Variants in COL4A5 observed in about 807,000 individuals in gnomAD.
The protein encoded by COL4A5 is collagen type IV alpha 5 chain, also known as collagen alpha-5(IV) chain.
A neutral mutation model predicts 130.2 loss-of-function variants in COL4A5; 26 were observed. The observed-to-expected ratio is 0.20, with a 90% confidence interval of 0.15 to 0.28. The LOEUF (loss-of-function observed/expected upper bound fraction) is 0.28, where lower values mean the gene tolerates loss of function less well. COL4A5 is among the 10% of genes least tolerant of loss of function. The pLI is 1.00. For synonymous variants in COL4A5, 496 were observed against 439.6 expected, an observed-to-expected ratio of 1.13 and a Z score of -1.60; for missense variants, 1,131 against 1,344.3, an observed-to-expected ratio of 0.84 and a Z score of 2.48.
chrX:108,467,677 A>C (rs2064720295), intron 1 of COL4A5, among the ~76,000 whole-genome samples: 1 of 110,977 alleles, frequency 9.0e-6, no homozygotes, highest in Non-Finnish European at 1.9e-5. Context: ...TTCTTTCCTC[A>C]TTGTTTTCTA....
chrX:108,548,908 A>G (rs28821811), intron 2 of COL4A5, among the ~76,000 whole-genome samples: 11,561 of 111,347 alleles, frequency 0.1, 1,301 homozygotes, highest in African/African-American at 0.34. Context: ...AGGCAGATTT[A>G]AGACATTTTC....
chrX:108,633,417 AT>A (rs967195037), intron 36 of COL4A5, among the ~76,000 whole-genome samples: 4 of 110,137 alleles, frequency 3.6e-5, no homozygotes, highest in East Asian at 2.8e-4. Context: ...AACTAACTTT[AT>A]TTTTTTTCCC....
At chrX:108,580,494 A>G (rs751237026) in intron 13 of COL4A5, 39 bp from the exon 14 acceptor site, 1 of 1,100,323 alleles carries the variant, frequency 9.1e-7, no homozygotes, top group Non-Finnish European at 1.3e-6. Flanking sequence ...TGCATGTTCC[A>G]GTATTAACAT....
chrX:108,533,104 C>G (rs757554606), intron 1 of COL4A5, among the ~76,000 whole-genome samples: 3 of 111,597 alleles, frequency 2.7e-5, no homozygotes, highest in Non-Finnish European at 5.7e-5. Flanking sequence ...AAAAACAAAG[C>G]TGGAGGCATC....
chrX:108,618,969 T>A, intron 30 of COL4A5, among the ~76,000 whole-genome samples: 1 of 111,481 alleles, frequency 9.0e-6, no homozygotes, highest in African/African-American at 3.3e-5. Flanking sequence ...ATAAATTATT[T>A]ATATTGAAAA....
At chrX:108,680,481 G>A (rs1348286996) in intron 44 of COL4A5, among the ~76,000 whole-genome samples, 198 bp from the exon 45 acceptor site, 3 of 111,181 alleles carry the variant, frequency 2.7e-5, no homozygotes, top group East Asian at 2.8e-4. Context: ...CAAATTTGAG[G>A]TGAGAAAACT....
chrX:108,586,579 T>A (rs1223426636), intron 18 of COL4A5, 36 bp from the exon 19 acceptor site: 2 of 1,170,775 alleles, frequency 1.7e-6, no homozygotes, highest in Non-Finnish European at 2.3e-6. Context: ...TTTTCTTCTT[T>A]GCATTTCTTT....
At chrX:108,503,208 G>A (rs1032835489) in intron 1 of COL4A5, among the ~76,000 whole-genome samples, 13 of 111,699 alleles carry the variant, frequency 1.2e-4, no homozygotes, top group African/African-American at 3.3e-4. Flanking sequence ...ATGGGTACTC[G>A]TCTTTCTTTT....
At chrX:108,563,755 G>A in intron 3 of COL4A5, 127 bp from the exon 4 acceptor site, 1 of 536,042 alleles carries the variant, frequency 1.9e-6, no homozygotes, top group Non-Finnish European at 3.2e-6. Flanking sequence ...TCTTCCTTGG[G>A]TGTATAAGTT....
chrX:108,617,668 T>C (rs1479941399), intron 30 of COL4A5, among the ~76,000 whole-genome samples: 1 of 112,033 alleles, frequency 8.9e-6, no homozygotes, highest in Non-Finnish European at 1.9e-5. Context: ...TTCTTGTTAT[T>C]TTCTTTGGCC....
chrX:108,519,191 G>A (rs753557543), intron 1 of COL4A5, among the ~76,000 whole-genome samples: 13 of 110,880 alleles, frequency 1.2e-4, no homozygotes, highest in Non-Finnish European at 2.5e-4. Flanking sequence ...TTCATCCTTG[G>A]ACTAGTAAAG....
At chrX:108,491,029 A>G (rs1249028180) in intron 1 of COL4A5, among the ~76,000 whole-genome samples, 1 of 111,409 alleles carries the variant, frequency 9.0e-6, no homozygotes, top group African/African-American at 3.3e-5. Context: ...TATGTACCAC[A>G]TTTTCTTTAT....
At chrX:108,454,339 A>G (rs1201112085) in intron 1 of COL4A5, among the ~76,000 whole-genome samples, 2 of 111,353 alleles carry the variant, frequency 1.8e-5, no homozygotes, top group Non-Finnish European at 3.8e-5. Context: ...GTGCAATGGC[A>G]TGATCTCAGC....
intron 1 of COL4A5, among the ~76,000 whole-genome samples, chrX:108,467,232 A>G (rs1245107095): frequency 1.8e-5 from 2 of 111,861 alleles, no homozygotes; most frequent in East Asian, 5.6e-4. Context: ...TTATTCTTTT[A>G]AATGTGGATA....
chrX:108,572,421 C>T (rs1293243762), intron 8 of COL4A5, among the ~76,000 whole-genome samples: 1 of 111,589 alleles, frequency 9.0e-6, no homozygotes, highest in Non-Finnish European at 1.9e-5. Context: ...AAAATAAACC[C>T]GCTCCTCCCT....
rs1182036182 is a variant in COL4A5, at chrX:108,508,557, C to CAAA, written c.82-31167_82-31165dup. Reference sequence around the variant, plus strand: ...AACTAGTTTTAAATTCATGTAGGACCAAAAAAAAAAAAAAAAAAAAAAAAG... The same window carrying CAAA: ...AACTAGTTTTAAATTCATGTAGGACCAAAAAAAAAAAAAAAAAAAAAAAAAAAG... On this transcript the variant is annotated intron_variant, in intron 1 of 52. Transcript: ENST00000328300. 6.5e-3 allele frequency among the ~76,000 whole-genome samples: 246 copies of CAAA among 38,111 alleles called. 2 individuals are homozygous for CAAA. The highest frequency in any genetic ancestry group is 0.023 in the East Asian group (30 of 1,278). The allele number at this position is 38,111 out of a possible 115,157, so 33.1% of individuals were successfully genotyped here.
intron 3 of COL4A5, among the ~76,000 whole-genome samples, chrX:108,560,976 A>G (rs1271265470): frequency 1.8e-5 from 2 of 111,472 alleles, no homozygotes; most frequent in Non-Finnish European, 3.8e-5. Flanking sequence ...AGATAATTCA[A>G]TTGCTTCCAT....
chrX:108,535,122 TA>T (rs765260910), intron 1 of COL4A5, among the ~76,000 whole-genome samples: 5 of 111,653 alleles, frequency 4.5e-5, no homozygotes, highest in African/African-American at 1.6e-4. Flanking sequence ...CATTGAGTTT[TA>T]AATTTCAATT....
intron 2 of COL4A5, among the ~76,000 whole-genome samples, chrX:108,547,642 A>G (rs2065682110): frequency 8.9e-6 from 1 of 111,884 alleles, no homozygotes; most frequent in South Asian, 3.8e-4. Flanking sequence ...AAGCTGTCAG[A>G]TAGGGACATG....
Sources: gnomAD v4.1 joint callset for allele counts (sites outside exome capture counted in the v4.1 genomes callset) on GRCh38, gnomAD v4.1.1 for gene constraint, MANE v1.5 for transcripts, NCBI Gene and HGNC (gene_info 2026-07-23, HGNC 2026-07-21) for gene names.